SPATS1: variants seen among roughly 807,000 people sequenced by gnomAD.
SPATS1 encodes spermatogenesis associated serine rich 1, also known as spermatogenesis-associated serine-rich protein 1.
A neutral mutation model predicts 33.6 loss-of-function variants in SPATS1; 23 were observed. That is an observed-to-expected ratio of 0.68 (90% CI 0.49 to 0.97). The LOEUF (loss-of-function observed/expected upper bound fraction) is 0.97. Ranked by LOEUF, SPATS1 falls within the 50% of genes least tolerant of loss-of-function variation. The pLI is 0.00. For missense variants in SPATS1, 327 were observed against 361.0 expected (o/e 0.91, Z 0.76); for synonymous variants, 131 against 125.6 (o/e 1.04, Z -0.29).
At chr6:44,363,001 G>A (rs1789017592) in intron 5 of SPATS1, among the ~76,000 whole-genome samples, 1 of 152,130 alleles carries the variant, frequency 6.6e-6, no homozygotes, top group African/African-American at 2.4e-5. Context: ...ACCACACCCG[G>A]TTAATTTTGT....
At chr6:44,350,790 T>C (rs1788184651) in intron 2 of SPATS1, among the ~76,000 whole-genome samples, 2 of 152,196 alleles carry the variant, frequency 1.3e-5, no homozygotes, top group Admixed American at 1.3e-4. Context: ...GGGTTCTGCA[T>C]TGGCAGATTC....
intron 5 of SPATS1, among the ~76,000 whole-genome samples, chr6:44,362,597 C>T (rs1337235354): frequency 6.6e-6 from 1 of 152,194 alleles, no homozygotes; most frequent in Non-Finnish European, 1.5e-5. Flanking sequence ...ATATAAATCT[C>T]TGTGTAGGAG....
At chr6:44,349,691 G>A (rs1237227045) in intron 2 of SPATS1, among the ~76,000 whole-genome samples, 5 of 152,104 alleles carry the variant, frequency 3.3e-5, no homozygotes, top group Non-Finnish European at 7.4e-5. Context: ...ATGCATTCAA[G>A]GCCCCAGATT....
intron 2 of SPATS1, chr6:44,343,461 T>G (rs1184253388): frequency 3.1e-6 from 2 of 636,606 alleles, no homozygotes; most frequent in South Asian, 3.0e-5. Context: ...CCTCACTGGA[T>G]CTCACAGCAG....
chr6:44,347,984 T>C (rs1162471288), intron 2 of SPATS1, among the ~76,000 whole-genome samples: 1 of 151,804 alleles, frequency 6.6e-6, no homozygotes, highest in Admixed American at 6.6e-5. Context: ...ATTATGGCCT[T>C]GTTTCATTTC....
rs919587499 is a variant in SPATS1, at chr6:44,361,722, A to C, written c.413-109A>C. On this transcript the variant is annotated intron_variant, in intron 4 of 8. Coordinates refer to ENST00000674044, the MANE Select transcript of SPATS1 (RefSeq NM_001372081.1). ...AACCAAGGGATTATACACATTAATT[A>C]AAGTTATATAGCCAGATAGTGCCTG... The C allele has an allele frequency of 2.1e-6, 3 of 1,428,746 alleles. No homozygotes were observed. In the African/African-American group the frequency reaches 4.2e-5, roughly 20 times the overall value. 88.5% of individuals were successfully genotyped at this position (1,428,746 alleles called of 1,614,324 possible).
intron 7 of SPATS1, among the ~76,000 whole-genome samples, chr6:44,370,863 C>T (rs1175280374): frequency 2.0e-5 from 3 of 152,072 alleles, no homozygotes; most frequent in African/African-American, 7.2e-5. Flanking sequence ...ATAGCAATTG[C>T]CTACATTTCA....
intron 5 of SPATS1, among the ~76,000 whole-genome samples, chr6:44,366,508 A>C (rs1789258397): frequency 6.6e-6 from 1 of 152,198 alleles, no homozygotes; most frequent in African/African-American, 2.4e-5. Flanking sequence ...GGTTCTGGGA[A>C]CTATTAGAGA....
chr6:44,360,188 A>G (rs574347612), intron 3 of SPATS1, among the ~76,000 whole-genome samples: 1 of 151,754 alleles, frequency 6.6e-6, no homozygotes, highest in Non-Finnish European at 1.5e-5. Context: ...GTCTGGTCTC[A>G]AACTCCTGGC....
chr6:44,361,622 T>C, intron 4 of SPATS1: 1 of 819,572 alleles, frequency 1.2e-6, no homozygotes, highest in Non-Finnish European at 1.5e-6. Flanking sequence ...AAAGACGGCC[T>C]CTTAGATAGC....
intron 5 of SPATS1, among the ~76,000 whole-genome samples, chr6:44,364,650 C>T (rs1488806962): frequency 1.3e-5 from 2 of 152,128 alleles, no homozygotes; most frequent in African/African-American, 4.8e-5. Flanking sequence ...GATCTCACTG[C>T]AGCACTTGAT....
chr6:44,367,081 T>C (rs1301723597), intron 5 of SPATS1, among the ~76,000 whole-genome samples: 1 of 152,210 alleles, frequency 6.6e-6, no homozygotes, highest in East Asian at 1.9e-4. Flanking sequence ...ATGCACTGTA[T>C]ATTTAATTAA....
intron 2 of SPATS1, among the ~76,000 whole-genome samples, chr6:44,351,761 G>A (rs1292641274): frequency 6.6e-6 from 1 of 152,076 alleles, no homozygotes; most frequent in Non-Finnish European, 1.5e-5. Flanking sequence ...TGGGTGGTTG[G>A]GGAGTTATAA....
At chr6:44,371,496 A>G (rs1789610276) in intron 7 of SPATS1, among the ~76,000 whole-genome samples, 1 of 152,116 alleles carries the variant, frequency 6.6e-6, no homozygotes, top group South Asian at 2.1e-4. Context: ...TAGATTCTCT[A>G]TTTTGTTCTG....
At chr6:44,369,138 C>T (rs1001195908) in intron 6 of SPATS1, among the ~76,000 whole-genome samples, 18 of 152,100 alleles carry the variant, frequency 1.2e-4, no homozygotes, top group South Asian at 4.1e-4. Flanking sequence ...CCTCGTGATC[C>T]GCCCGCCTTG....
chr6:44,363,211 C>T lies in SPATS1; in HGVS notation c.574+1219C>T, dbSNP rs186793509. On this transcript the variant is annotated intron_variant, in intron 5 of 8. Coordinates refer to ENST00000674044, the MANE Select transcript of SPATS1 (RefSeq NM_001372081.1). ...GCAGTGCCACCATCTTGGCTCACTG[C>T]AGTTCCGAATGCCAGCCCCCCAGCC... Among the ~76,000 whole-genome samples, 544 of 151,994 alleles carry T rather than the reference C, an allele frequency of 3.6e-3. 4 individuals are homozygous for T. Among genetic ancestry groups the T allele is most frequent in the Non-Finnish European group, 6.2e-3 (424 of 67,980 alleles).
chr6:44,365,347 G>T (rs1789180057), intron 5 of SPATS1, among the ~76,000 whole-genome samples: 1 of 152,194 alleles, frequency 6.6e-6, no homozygotes, highest in Admixed American at 6.5e-5. Context: ...ATTTTCTATT[G>T]TGTAGCTCTT....
intron 3 of SPATS1, among the ~76,000 whole-genome samples, chr6:44,360,229 A>G (rs1788826949): frequency 6.6e-6 from 1 of 152,202 alleles, no homozygotes; most frequent in African/African-American, 2.4e-5. Context: ...CAGCCTCCCA[A>G]GGTTTTGGGA....
intron 5 of SPATS1, 28 bp from the exon 6 acceptor site, chr6:44,368,351 T>C (rs764436613): frequency 6.2e-7 from 1 of 1,609,286 alleles, no homozygotes. Flanking sequence ...AGCCCTTGTA[T>C]GATTTTGTTT....
Sources: gnomAD v4.1 joint callset for allele counts (sites outside exome capture counted in the v4.1 genomes callset) on GRCh38, gnomAD v4.1.1 for gene constraint, MANE v1.5 for transcripts, NCBI Gene and HGNC (gene_info 2026-07-23, HGNC 2026-07-21) for gene names.